Variants in RCAN1 observed in about 807,000 individuals in gnomAD.
RCAN1 encodes calcipressin-1.
Under a neutral mutation model 22.9 loss-of-function variants are expected in RCAN1, and 11 were observed. The ratio of observed to expected loss-of-function variants is 0.48; its 90% confidence interval spans 0.30 to 0.79. The LOEUF (loss-of-function observed/expected upper bound fraction) is 0.79. Ranked by LOEUF, RCAN1 falls within the 30% of genes least tolerant of loss-of-function variation. The pLI, the probability that RCAN1 is intolerant of heterozygous loss-of-function variation, is 0.06. For missense variants in RCAN1, 291 were observed against 337.8 expected (o/e 0.86, Z 1.09); for synonymous variants, 136 against 142.3 (o/e 0.96, Z 0.32).
At chr21:34,591,832 G>A (rs980766818) in intron 1 of RCAN1, among the ~76,000 whole-genome samples, 61 of 152,212 alleles carry the variant, frequency 4.0e-4, no homozygotes, top group African/African-American at 1.5e-3. Context: ...AAATTAGAAT[G>A]TAGGTGGTCA....
At position 34,614,455 on chromosome 21, in the gene RCAN1, C is replaced by T. The variant is rs986025573; in HGVS notation, c.252+305G>A. ...GGCGAGAGCGCAGGGGGCGGCGGCG[C>T]TGCCCCACCTTGGGGAGCGAATTCA... On this transcript the variant is annotated intron_variant, in intron 1 of 3. Transcript: ENST00000313806. The surrounding 1 kb of genome is among the most constrained non-coding windows in gnomAD (Gnocchi z 6.0). 1.3e-4 allele frequency: 135 copies of T among 1,016,030 alleles called. No individual in the cohort carries two copies. Among genetic ancestry groups the T allele is most frequent in the Middle Eastern group, 4.7e-4 (1 of 2,106 alleles). The allele number at this position is 1,016,030 out of a possible 1,614,324, so 62.9% of individuals were successfully genotyped here.
intron 1 of RCAN1, among the ~76,000 whole-genome samples, chr21:34,606,543 A>T (rs1280300839): frequency 6.6e-6 from 1 of 152,226 alleles, no homozygotes; most frequent in Admixed American, 6.5e-5. Context: ...AAGCACAAAG[A>T]TTAACAAAAA....
At chr21:34,543,471 G>C (rs1601156949) in intron 1 of RCAN1, among the ~76,000 whole-genome samples, 1 of 152,236 alleles carries the variant, frequency 6.6e-6, no homozygotes, top group Non-Finnish European at 1.5e-5. Context: ...AACGCAGCCA[G>C]GCTGACACCT....
chr21:34,605,520 C>T (rs570682468), intron 1 of RCAN1, among the ~76,000 whole-genome samples: 8 of 152,336 alleles, frequency 5.3e-5, no homozygotes, highest in Non-Finnish European at 1.2e-4. Flanking sequence ...TCATGTGAAT[C>T]TCTGTTTCCC....
In RCAN1 at chr21:34,518,941, T is replaced by C. The variant is rs898687747; in HGVS notation, c.587-685A>G. Among the ~76,000 whole-genome samples the C allele has an allele frequency of 1.3e-5, 2 of 152,034 alleles. No individual in the cohort carries two copies. Among genetic ancestry groups the C allele is most frequent in the African/African-American group, 2.4e-5 (1 of 41,396 alleles). On this transcript the variant is annotated intron_variant, in intron 3 of 3. Coordinates refer to ENST00000313806, the MANE Select transcript of RCAN1 (RefSeq NM_004414.7). This position sits in a 1 kb window ranked among gnomAD's most constrained non-coding sequence, Gnocchi z 4.2. ...TTTCTGCAACTGAAAAACCCGGCAATGTAGAATGAAGGGACTGGGGCCTCC... is the reference window on the plus strand; with the variant it reads ...TTTCTGCAACTGAAAAACCCGGCAACGTAGAATGAAGGGACTGGGGCCTCC...
rs543517671 is a variant in RCAN1 at position 34,555,649 on chromosome 21, T to C, written c.253-31939A>G. Among the ~76,000 whole-genome samples the C allele has an allele frequency of 5.9e-5, 9 of 151,818 alleles. No individual in the cohort carries two copies. The East Asian group carries it at 1.5e-3, about 26-fold the overall frequency. On this transcript the variant is annotated intron_variant, in intron 1 of 3. Transcript: ENST00000313806. ...ATGGTGGGAAGTGTGGGAAGGAGGATTCCATGTACTGATCATTGTTGAGGC... is the reference window on the plus strand; with the variant it reads ...ATGGTGGGAAGTGTGGGAAGGAGGACTCCATGTACTGATCATTGTTGAGGC...
chr21:34,565,173 T>C (rs930353163), intron 1 of RCAN1, among the ~76,000 whole-genome samples: 4 of 152,250 alleles, frequency 2.6e-5, no homozygotes, highest in African/African-American at 9.6e-5. Flanking sequence ...CAATCTAGCC[T>C]GGGCAACAGA....
intron 1 of RCAN1, among the ~76,000 whole-genome samples, chr21:34,560,633 T>G (rs1986755883): frequency 6.6e-6 from 1 of 152,186 alleles, no homozygotes. Flanking sequence ...CTTTAATAAT[T>G]TTAATACTTA....
chr21:34,599,905 C>A (rs1291369988), intron 1 of RCAN1, among the ~76,000 whole-genome samples: 2 of 152,124 alleles, frequency 1.3e-5, no homozygotes, highest in Non-Finnish European at 1.5e-5. Flanking sequence ...GGCAGCATGA[C>A]CAATAGGTGT....
intron 1 of RCAN1, among the ~76,000 whole-genome samples, chr21:34,606,511 CTATTT>C (rs1339944738): frequency 1.3e-5 from 2 of 152,096 alleles, no homozygotes; most frequent in Non-Finnish European, 2.9e-5. Context: ...TGAATAGAAA[CTATTT>C]TATTATCTTT....
chr21:34,553,661 C>T (rs75003089), intron 1 of RCAN1, among the ~76,000 whole-genome samples: 2,509 of 152,244 alleles, frequency 0.016, 45 homozygotes, highest in Non-Finnish European at 0.025. Context: ...AACATTTGGC[C>T]ATACATTCCT....
intron 1 of RCAN1, among the ~76,000 whole-genome samples, chr21:34,553,092 G>A (rs371017590): frequency 7.9e-5 from 12 of 152,084 alleles, no homozygotes; most frequent in Non-Finnish European, 1.3e-4. Flanking sequence ...CCAGACAAGG[G>A]GTATGAGAAA....
chr21:34,516,453 C>T lies in RCAN1; in HGVS notation c.*1631G>A, dbSNP rs1040302368. 2.6e-5 allele frequency: 4 copies of T among 152,260 alleles called. No homozygotes were observed. Among genetic ancestry groups the T allele is most frequent in the Non-Finnish European group, 5.9e-5 (4 of 68,016 alleles). 9.4% of individuals were successfully genotyped at this position (152,260 alleles called of 1,614,324 possible). On this transcript the variant is annotated 3_prime_UTR_variant, in exon 4 of 4. Transcript: ENST00000313806. ...TTTAAACTGCAGAATTTAGAAGGTTCACAGATTTATTCTAGAAATAAAATG... is the reference window on the plus strand; with the variant it reads ...TTTAAACTGCAGAATTTAGAAGGTTTACAGATTTATTCTAGAAATAAAATG...
At chr21:34,594,237 T>C (rs1402041507) in intron 1 of RCAN1, among the ~76,000 whole-genome samples, 1 of 152,020 alleles carries the variant, frequency 6.6e-6, no homozygotes, top group Non-Finnish European at 1.5e-5. Flanking sequence ...GGGACATAGC[T>C]GAAAAAAATG....
chr21:34,587,919 G>A (rs556511798), intron 1 of RCAN1, among the ~76,000 whole-genome samples: 1 of 152,292 alleles, frequency 6.6e-6, no homozygotes, highest in Non-Finnish European at 1.5e-5. Flanking sequence ...ATCAGTTAAA[G>A]GCCTTAACGG....
At chr21:34,564,376 A>G (rs55698116) in intron 1 of RCAN1, among the ~76,000 whole-genome samples, 36,862 of 152,146 alleles carry the variant, frequency 0.24, 5,206 homozygotes, top group African/African-American at 0.39. Flanking sequence ...GGCCAGATCC[A>G]TTGGTGGAGG....
At chr21:34,521,292 C>T (rs1037921802) in intron 3 of RCAN1, 30 of 1,453,082 alleles carry the variant, frequency 2.1e-5, no homozygotes, top group East Asian at 5.0e-5. Flanking sequence ...CACGATCAGC[C>T]GCAGTCTCTC....
rs981789269 is a variant in RCAN1 at position 34,521,486 on chromosome 21, G to C, written c.586+13C>G. On this transcript the variant is annotated intron_variant, in intron 3 of 3. Coordinates refer to ENST00000313806, the MANE Select transcript of RCAN1 (RefSeq NM_004414.7). ...CTCCCCCTGCCTCCCTCCCACCCGA[G>C]GGCCCTGCTCACCTGGCCCCAGCTT... 5 of 1,613,984 alleles carry C rather than the reference G, an allele frequency of 3.1e-6. No homozygotes were observed. In the African/African-American group the frequency reaches 5.3e-5, roughly 17 times the overall value.
At chr21:34,565,003 C>T (rs1986950222) in intron 1 of RCAN1, among the ~76,000 whole-genome samples, 1 of 151,838 alleles carries the variant, frequency 6.6e-6, no homozygotes, top group East Asian at 1.9e-4. Context: ...AGTTAAAGAC[C>T]AGCCTGGGCA....
Sources: allele counts gnomAD v4.1 joint callset (sites outside exome capture counted in the v4.1 genomes callset), GRCh38; gene constraint gnomAD v4.1.1; non-coding constraint Gnocchi (gnomAD v3.1); transcripts MANE v1.5; gene names NCBI Gene and HGNC (gene_info 2026-07-23, HGNC 2026-07-21).